Variants in C3orf20 observed in about 807,000 individuals in gnomAD.
C3orf20 encodes family with sequence similarity 149 member C.
C3orf20 carries 76 observed loss-of-function variants against 88.3 expected under a neutral mutation model. That is an observed-to-expected ratio of 0.86 (90% CI 0.72 to 1.04). The LOEUF (loss-of-function observed/expected upper bound fraction) is 1.04. C3orf20 is among the 50% of genes least tolerant of loss of function. The pLI is 0.00. For synonymous variants in C3orf20, 436 were observed against 437.4 expected (o/e 1.00, Z 0.04); for missense variants, 1,056 against 1,123.3 (o/e 0.94, Z 0.86).
In C3orf20 at chr3:14,759,945, G is replaced by A. The variant is rs778913076; in HGVS notation, c.2299G>A (p.Glu767Lys). 6.2e-7 allele frequency: 1 copy of A among 1,614,176 alleles called. No individual in the cohort carries two copies. The highest frequency in any genetic ancestry group is 8.5e-7 in the Non-Finnish European group (1 of 1,180,014). The change falls in exon 14 of 17, where the codon GAG becomes AAG. Residue 767 changes from glutamate to lysine, a missense_variant. By Grantham distance (56) the Glu-to-Lys change is moderately conservative. Transcript: ENST00000253697. ...LQYDLDSPLQ[E>K]DPPLMVKKNS... ...GTATGACCTGGACAGCCCCCTGCAGGAGGACCCTCCCCTGATGGTGAAGAA... is the reference window on the plus strand; with the variant it reads ...GTATGACCTGGACAGCCCCCTGCAGAAGGACCCTCCCCTGATGGTGAAGAA...
At chr3:14,704,252 TG>T in intron 6 of C3orf20, 84 bp from the exon 7 acceptor site, 1 of 1,395,238 alleles carries the variant, frequency 7.2e-7, no homozygotes, top group Non-Finnish European at 9.9e-7. Flanking sequence ...ATAGGGGTCT[TG>T]GGCACTAAGG....
Position 14,683,054 on chromosome 3 carries a change from C to T in C3orf20, c.341C>T (p.Ala114Val), listed in dbSNP as rs1315769140. The T allele has an allele frequency of 6.2e-7, 1 of 1,610,928 alleles. No homozygotes were observed. The highest frequency in any genetic ancestry group is 8.5e-7 in the Non-Finnish European group (1 of 1,178,542). The change falls in exon 3 of 17, where the codon GCC becomes GTC. Residue 114 changes from alanine (A) to valine (V), a missense_variant. By Grantham distance (64) the Ala-to-Val change is moderately conservative. Coordinates refer to ENST00000253697, the MANE Select transcript of C3orf20 (RefSeq NM_032137.5). Reference protein sequence around the residue: ...RPVLLATTGAAKRSTLSPTMA... With the variant: ...RPVLLATTGAVKRSTLSPTMA... The stretch of plus-strand genomic sequence containing the variant: ...GTGCTGCTGGCAACCACTGGGGCAG[C>T]CAAGCGCTCCACCCTCTCTCCCACC...
chr3:14,700,249 C>CT (rs34352873), intron 5 of C3orf20, among the ~76,000 whole-genome samples: 63,611 of 151,864 alleles, frequency 0.42, 13,550 homozygotes, highest in Middle Eastern at 0.47. Flanking sequence ...TTTGAAGACG[C>CT]TTTTTTTGTG....
At chr3:14,710,755 A>G (rs981916270) in intron 7 of C3orf20, among the ~76,000 whole-genome samples, 6 of 152,182 alleles carry the variant, frequency 3.9e-5, no homozygotes, top group Non-Finnish European at 4.4e-5. Context: ...GTGGCCTAAC[A>G]TATTGTCTGT....
chr3:14,683,914 A>G (rs890230752), intron 3 of C3orf20, among the ~76,000 whole-genome samples: 11 of 151,776 alleles, frequency 7.2e-5, no homozygotes, highest in African/African-American at 2.4e-4. Context: ...GTCCTTCCAA[A>G]GTGAAGGTGT....
chr3:14,675,526 A>G (rs2031716340), intron 1 of C3orf20, among the ~76,000 whole-genome samples: 1 of 151,936 alleles, frequency 6.6e-6, no homozygotes, highest in African/African-American at 2.4e-5. Flanking sequence ...CACCTGGCCT[A>G]TCGATGTTCT....
In C3orf20 at chr3:14,757,545, A is replaced by C; in HGVS notation, c.2115A>C (p.Arg705=). ...TGGAGCGCTTCCTGTTGGCGCCCCGAGACCCCAGCCAAGTGCTGGTGTTTG... is the reference window on the plus strand; with the variant it reads ...TGGAGCGCTTCCTGTTGGCGCCCCGCGACCCCAGCCAAGTGCTGGTGTTTG... ...VELERFLLAP[R]DPSQVLVFGI... Residue 705 remains arginine, a synonymous_variant, in exon 13 of 17, where the codon CGA becomes CGC. Transcript: ENST00000253697. 6.2e-7 allele frequency: 1 copy of C among 1,614,078 alleles called. No homozygotes were observed. The highest frequency in any genetic ancestry group is 1.1e-5 in the South Asian group (1 of 91,074).
At chr3:14,771,081 C>T (rs1428722217) in intron 15 of C3orf20, among the ~76,000 whole-genome samples, 1 of 152,180 alleles carries the variant, frequency 6.6e-6, no homozygotes, top group African/African-American at 2.4e-5. Context: ...GGAGGCAGAG[C>T]CTTGGGGAGG....
At chr3:14,761,322 C>A in intron 14 of C3orf20, 151 bp from the exon 15 acceptor site, 2 of 886,690 alleles carry the variant, frequency 2.3e-6, no homozygotes, top group Non-Finnish European at 3.5e-6. Context: ...GGCAGCACTC[C>A]TTCCCCAGCC....
intron 9 of C3orf20, among the ~76,000 whole-genome samples, chr3:14,716,143 T>TG (rs2033933558): frequency 1.3e-5 from 2 of 152,180 alleles, no homozygotes; most frequent in South Asian, 4.1e-4. Context: ...ACTCCAGTTG[T>TG]GACAACCAAA....
chr3:14,683,686 G>A (rs182286650), intron 3 of C3orf20, among the ~76,000 whole-genome samples: 13 of 152,014 alleles, frequency 8.6e-5, no homozygotes, highest in Admixed American at 7.9e-4. Context: ...GACCAGCCCG[G>A]CCAATATGGT....
chr3:14,703,789 G>A (rs1401768261), intron 6 of C3orf20, among the ~76,000 whole-genome samples: 1 of 152,234 alleles, frequency 6.6e-6, no homozygotes, highest in Non-Finnish European at 1.5e-5. Flanking sequence ...CTTGACATGG[G>A]TGATTAGTGG....
rs756037534 is a variant in C3orf20 at position 14,714,121 on chromosome 3, T to G, written c.1275T>G (p.Thr425=). The change falls in exon 8 of 17, where the codon ACT becomes ACG. Residue 425 remains threonine (T), a synonymous_variant. Transcript: ENST00000253697. The part of the protein sequence containing the change: ...PGFSLLALFN[T]EGQGCVHYNL... ...TCTCCTTGCTGGCCCTATTCAATACTGAAGGCCAGGGCTGTGTTCACTACA... is the reference window on the plus strand; with the variant it reads ...TCTCCTTGCTGGCCCTATTCAATACGGAAGGCCAGGGCTGTGTTCACTACA... 1.9e-6 allele frequency: 3 copies of G among 1,614,044 alleles called. No individual in the cohort carries two copies. The highest frequency in any genetic ancestry group is 2.5e-6 in the Non-Finnish European group (3 of 1,180,002).
chr3:14,700,689 C>G (rs141750118), intron 5 of C3orf20, among the ~76,000 whole-genome samples: 14 of 152,350 alleles, frequency 9.2e-5, no homozygotes, highest in African/African-American at 3.4e-4. Flanking sequence ...ATTAGGCTGA[C>G]ACATGCATGC....
Position 14,715,307 on chromosome 3 carries a change from C to A in C3orf20, c.1332C>A (p.Ile444=), listed in dbSNP as rs745556846. 1.9e-5 allele frequency: 31 copies of A among 1,612,342 alleles called. No homozygotes were observed. The highest frequency in any genetic ancestry group is 2.6e-5 in the Non-Finnish European group (31 of 1,179,750). ...NLKTSCPYVL[I]LDEEGGTTND... ...CTCCTAGTTGCCCATATGTCTTAAT[C>A]TTGGATGAGGAAGGTGGGACCACCA... Residue 444 remains isoleucine (I), a synonymous_variant, in exon 9 of 17, where the codon ATC becomes ATA. Transcript: ENST00000253697.
At chr3:14,717,944 T>G (rs1251193220) in intron 9 of C3orf20, among the ~76,000 whole-genome samples, 1 of 152,220 alleles carries the variant, frequency 6.6e-6, no homozygotes, top group Non-Finnish European at 1.5e-5. Context: ...TCACTGTTTA[T>G]TTTCTTTACC....
intron 12 of C3orf20, among the ~76,000 whole-genome samples, chr3:14,755,072 T>C (rs1485103118): frequency 1.3e-5 from 2 of 152,232 alleles, no homozygotes; most frequent in African/African-American, 4.8e-5. Context: ...CTGTGAATTA[T>C]TTGTTCACTA....
chr3:14,767,018 A>G (rs557413646), intron 15 of C3orf20: 2 of 152,504 alleles, frequency 1.3e-5, no homozygotes, highest in Middle Eastern at 3.4e-3. Flanking sequence ...GAGGGCCGGA[A>G]GCCTCTGCTT....
At position 14,682,965 on chromosome 3, in the gene C3orf20, C is replaced by T; in HGVS notation, c.252C>T (p.Thr84=). 6.2e-7 allele frequency: 1 copy of T among 1,614,158 alleles called. No homozygotes were observed. The highest frequency in any genetic ancestry group is 1.7e-5 in the Admixed American group (1 of 60,024). The change falls in exon 3 of 17, where the codon ACC becomes ACT. Residue 84 remains threonine (T), a synonymous_variant. Transcript: ENST00000253697. Reference sequence around the variant, plus strand: ...CCCTGGTGGTGCTCATGGAACCCACCTTTGTGCAGGTCCCCACACTGAAGA... The same window carrying T: ...CCCTGGTGGTGCTCATGGAACCCACTTTTGTGCAGGTCCCCACACTGAAGA... The part of the protein sequence containing the change: ...GAPLVVLMEP[T]FVQVPTLKKP...
Sources: allele counts gnomAD v4.1 joint callset (sites outside exome capture counted in the v4.1 genomes callset), GRCh38; gene constraint gnomAD v4.1.1; transcripts MANE v1.5; gene names NCBI Gene and HGNC (gene_info 2026-07-23, HGNC 2026-07-21).